Variants in ATRX observed in about 807,000 individuals in gnomAD.
ATRX encodes the protein chromatin remodeler ATRX.
A neutral mutation model predicts 172.6 loss-of-function variants in ATRX; 12 were observed. That is an observed-to-expected ratio of 0.07 (90% CI 0.04 to 0.11). The LOEUF (loss-of-function observed/expected upper bound fraction) is 0.11, where lower values mean the gene tolerates loss of function less well. Ranked by LOEUF, ATRX falls within the 10% of genes least tolerant of loss-of-function variation. ATRX has a pLI of 1.00. For synonymous variants in ATRX, 674 were observed against 594.7 expected (o/e 1.13, Z -1.94); for missense variants, 1,368 against 1,767.4 (o/e 0.77, Z 4.05).
chrX:77,546,498 T>C (rs782164602), intron 30 of ATRX, among the ~76,000 whole-genome samples: 1 of 101,174 alleles, frequency 9.9e-6, no homozygotes, highest in South Asian at 4.5e-4. Context: ...GGAATCTGCA[T>C]TTTTTTTTTT....
chrX:77,739,243 G>C (rs2074744792), intron 1 of ATRX, among the ~76,000 whole-genome samples: 1 of 110,459 alleles, frequency 9.1e-6, no homozygotes, highest in African/African-American at 3.3e-5. Flanking sequence ...ACGATGTTTG[G>C]TTTTCCATTC....
intron 1 of ATRX, among the ~76,000 whole-genome samples, chrX:77,763,049 C>T (rs1192871643): frequency 2.7e-5 from 3 of 111,095 alleles, no homozygotes; most frequent in African/African-American, 9.8e-5. Flanking sequence ...TAAGTGTTAA[C>T]CAAATTCAAC....
intron 14 of ATRX, among the ~76,000 whole-genome samples, chrX:77,653,071 G>A (rs2069355633): frequency 9.2e-6 from 1 of 108,732 alleles, no homozygotes; most frequent in Non-Finnish European, 1.9e-5. Context: ...CAAAGATGCA[G>A]ACAAATTGGA....
At chrX:77,776,807 A>C (rs782048368) in intron 1 of ATRX, among the ~76,000 whole-genome samples, 2 of 111,836 alleles carry the variant, frequency 1.8e-5, no homozygotes, top group South Asian at 7.4e-4. Context: ...TTATAACCCA[A>C]GTGGTGAAAT....
At chrX:77,680,213 G>A (rs1302994108) in intron 9 of ATRX, among the ~76,000 whole-genome samples, 1 of 111,454 alleles carries the variant, frequency 9.0e-6, no homozygotes, top group Non-Finnish European at 1.9e-5. Context: ...TGCAAATTCT[G>A]AAACACAACA....
At chrX:77,738,335 C>CAA (rs782036880) in intron 1 of ATRX, among the ~76,000 whole-genome samples, 5 of 71,193 alleles carry the variant, frequency 7.0e-5, no homozygotes, top group Admixed American at 1.7e-4. Context: ...ACCCTGTCTC[C>CAA]AAAAAAAAAA....
At chrX:77,695,375 C>T (rs1310867318) in intron 5 of ATRX, among the ~76,000 whole-genome samples, 2 of 111,173 alleles carry the variant, frequency 1.8e-5, no homozygotes, top group Non-Finnish European at 3.8e-5. Context: ...CCTTATGAAA[C>T]GGGTCTGTTT....
rs142367299 is a variant in ATRX at position 77,579,437 on chromosome X, G to A, written c.6218-5079C>T. Among the ~76,000 whole-genome samples the A allele has an allele frequency of 8.6e-3, 832 of 96,652 alleles. 12 individuals carry two copies. Among genetic ancestry groups the A allele is most frequent in the African/African-American group, 0.031 (793 of 25,291 alleles). The allele number at this position is 96,652 out of a possible 115,157, so 83.9% of individuals were successfully genotyped here. ...ACCCACCCCCCACCCCCAGCTCCAGGCAACTCAGCACAGAGAGACTCCATT... is the reference window on the plus strand; with the variant it reads ...ACCCACCCCCCACCCCCAGCTCCAGACAACTCAGCACAGAGAGACTCCATT... On this transcript the variant is annotated intron_variant, in intron 27 of 34. Transcript: ENST00000373344.
At chrX:77,594,073 G>C in intron 25 of ATRX, 2 of 336,753 alleles carry the variant, frequency 5.9e-6, no homozygotes, top group East Asian at 4.8e-5. Flanking sequence ...AGAAAGGAAG[G>C]AGATGCCAAA....
chrX:77,758,300 G>C (rs1353978909), intron 1 of ATRX, among the ~76,000 whole-genome samples: 1 of 108,413 alleles, frequency 9.2e-6, no homozygotes, highest in Non-Finnish European at 1.9e-5. Context: ...TGAGGCAGGA[G>C]AATCGCTTGA....
At chrX:77,770,046 T>C (rs1473160473) in intron 1 of ATRX, among the ~76,000 whole-genome samples, 2 of 110,368 alleles carry the variant, frequency 1.8e-5, no homozygotes, top group African/African-American at 6.6e-5. Context: ...ATTGTGCCAA[T>C]GCACTCCAGC....
At chrX:77,654,250 T>C in intron 13 of ATRX, 50 bp from the exon 14 acceptor site, 1 of 1,025,276 alleles carries the variant, frequency 9.8e-7, no homozygotes, top group East Asian at 3.0e-5. Context: ...TAAACTTCCA[T>C]CAATAAGTTA....
At chrX:77,620,663 T>C (rs2067542234) in intron 19 of ATRX, 131 bp from the exon 20 acceptor site, 3 of 625,288 alleles carry the variant, frequency 4.8e-6, no homozygotes, top group Admixed American at 6.7e-5. Flanking sequence ...TCGTTGTAAG[T>C]ATAAACATAT....
intron 15 of ATRX, among the ~76,000 whole-genome samples, chrX:77,643,471 A>C (rs1469163058): frequency 9.0e-6 from 1 of 110,805 alleles, no homozygotes; most frequent in African/African-American, 3.3e-5. Context: ...TGCAGCACTG[A>C]ACTCCTGGGT....
At chrX:77,635,348 C>A (rs1413128187) in intron 16 of ATRX, among the ~76,000 whole-genome samples, 1 of 111,017 alleles carries the variant, frequency 9.0e-6, no homozygotes, top group Admixed American at 9.5e-5. Context: ...GAATGGCTTC[C>A]TATCAAAAAT....
chrX:77,585,464 T>G (rs142638848), intron 27 of ATRX, among the ~76,000 whole-genome samples: 27 of 103,747 alleles, frequency 2.6e-4, no homozygotes, highest in African/African-American at 8.1e-4. Context: ...TAGTCCCAGC[T>G]ACTGGGGAGG....
chrX:77,520,871 C>A lies in ATRX; in HGVS notation c.7117G>T (p.Ala2373Ser). 8.3e-7 allele frequency: 1 copy of A among 1,209,766 alleles called. No homozygotes were observed. Among genetic ancestry groups the A allele is most frequent in the Non-Finnish European group, 1.1e-6 (1 of 893,788 alleles). The change falls in exon 34 of 35, where the codon GCA becomes TCA. Residue 2373 changes from alanine (A) to serine (S), a missense_variant. Around this residue, in one of 17 missense-constraint regions of ATRX, gnomAD observed 100 missense variants for 153.9 expected, o/e 0.65. Transcript: ENST00000373344. ...NLSEAQVQAL[A>S]LSRQASQELD... is the part of the protein sequence containing the mutation. The stretch of plus-strand genomic sequence containing the variant: ...TCCTGGCTGGCTTGTCTACTTAATG[C>A]TAACGCCTGTACTTGGGCCTCTGAG...
At position 77,652,367 on chromosome X, in the gene ATRX, A is replaced by G; in HGVS notation, c.4318-14T>C. 8.4e-7 allele frequency: 1 copy of G among 1,196,277 alleles called. No individual in the cohort carries two copies. The highest frequency in any genetic ancestry group is 1.1e-6 in the Non-Finnish European group (1 of 885,747). ...CTCAGAATTACTCTACAGAATTTAA[A>G]CAATTAGAGGTAAACAGTACAAAGT... On this transcript the variant is annotated splice_polypyrimidine_tract_variant and intron_variant, in intron 14 of 34. Coordinates refer to ENST00000373344, the MANE Select transcript of ATRX (RefSeq NM_000489.6).
intron 10 of ATRX, among the ~76,000 whole-genome samples, chrX:77,667,940 T>C (rs1557127278): frequency 9.0e-6 from 1 of 111,644 alleles, no homozygotes; most frequent in African/African-American, 3.3e-5. Flanking sequence ...AAAGGTTTTA[T>C]TTTTGCCCTC....
Sources: gnomAD v4.1 joint callset for allele counts (sites outside exome capture counted in the v4.1 genomes callset) on GRCh38, gnomAD v4.1.1 for gene constraint, gnomAD v4.1.1 regional missense constraint, MANE v1.5 for transcripts, NCBI Gene and HGNC (gene_info 2026-07-23, HGNC 2026-07-21) for gene names.